The following CDH12 variants were observed in gnomAD, a reference collection of about 807,000 sequenced individuals.
CDH12 encodes the protein cadherin-12.
Under a neutral mutation model 74.1 loss-of-function variants are expected in CDH12, and 41 were observed. The observed-to-expected ratio is 0.55, with a 90% CI of 0.43 to 0.72. The LOEUF is 0.72. Ranked by LOEUF, CDH12 falls within the 30% of genes least tolerant of loss-of-function variation. The pLI is 0.00. For synonymous variants in CDH12, 399 were observed against 355.0 expected (o/e 1.12, Z -1.39); for missense variants, 945 against 977.2 (o/e 0.97, Z 0.44).
chr5:21,783,571 A>C (rs961449128), intron 10 of CDH12, 77 bp from the exon 11 acceptor site: 1 of 1,100,664 alleles, frequency 9.1e-7, no homozygotes, highest in East Asian at 2.4e-5. Flanking sequence ...AACTTGACAC[A>C]GTTCCTTATT....
chr5:22,430,190 C>T (rs1262766879), intron 2 of CDH12, among the ~76,000 whole-genome samples: 1 of 152,094 alleles, frequency 6.6e-6, no homozygotes, highest in Non-Finnish European at 1.5e-5. Flanking sequence ...ACTTAGTGTA[C>T]TCTTTGCATG....
At chr5:21,758,455 C>T (rs1012344807) in intron 13 of CDH12, among the ~76,000 whole-genome samples, 3 of 152,104 alleles carry the variant, frequency 2.0e-5, no homozygotes, top group Admixed American at 1.3e-4. Flanking sequence ...TCATCACCAT[C>T]TCAATACAAT....
chr5:22,707,863 T>A (rs112777312), intron 1 of CDH12, among the ~76,000 whole-genome samples: 9 of 152,298 alleles, frequency 5.9e-5, no homozygotes, highest in African/African-American at 2.2e-4. Context: ...TTAAATCTTA[T>A]GTGTATGGCA....
intron 8 of CDH12, among the ~76,000 whole-genome samples, chr5:21,828,540 G>GTCTCT (rs1365577426): frequency 6.6e-6 from 1 of 152,100 alleles, no homozygotes; most frequent in Non-Finnish European, 1.5e-5. Context: ...TTTGGTAATG[G>GTCTCT]TCTCTTCCCA....
chr5:22,208,741 G>A (rs1457033998), intron 4 of CDH12, among the ~76,000 whole-genome samples: 1 of 152,088 alleles, frequency 6.6e-6, no homozygotes, highest in Non-Finnish European at 1.5e-5. Context: ...GCGGCCAGTA[G>A]AGCCTAGACA....
At chr5:22,698,279 ACTTGGCTAATTTT>A (rs1407332212) in intron 1 of CDH12, among the ~76,000 whole-genome samples, 1 of 150,898 alleles carries the variant, frequency 6.6e-6, no homozygotes, top group Non-Finnish European at 1.5e-5. Flanking sequence ...GCATCACCAC[ACTTGGCTAATTTT>A]TGTAATTTTA....
chr5:22,413,725 A>G (rs1743260944), intron 2 of CDH12, among the ~76,000 whole-genome samples: 1 of 152,054 alleles, frequency 6.6e-6, no homozygotes, highest in Non-Finnish European at 1.5e-5. Flanking sequence ...ACACACATAC[A>G]TATAGAAAGT....
intron 4 of CDH12, among the ~76,000 whole-genome samples, chr5:22,106,864 T>C (rs1195079859): frequency 6.6e-6 from 1 of 152,188 alleles, no homozygotes; most frequent in African/African-American, 2.4e-5. Flanking sequence ...GTGTAAGATG[T>C]ATTAATATTG....
intron 6 of CDH12, among the ~76,000 whole-genome samples, chr5:21,951,354 C>T (rs1755852941): frequency 6.6e-6 from 1 of 152,128 alleles, no homozygotes; most frequent in Non-Finnish European, 1.5e-5. Context: ...TCCCAAGTAA[C>T]TGGGATTACA....
chr5:21,756,340 A>G (rs1200905377), intron 13 of CDH12, among the ~76,000 whole-genome samples: 2 of 152,068 alleles, frequency 1.3e-5, no homozygotes, highest in Non-Finnish European at 2.9e-5. Flanking sequence ...GTTTGTATGT[A>G]TGGGAATACT....
chr5:22,367,918 A>C (rs1561349240), intron 3 of CDH12, among the ~76,000 whole-genome samples: 1 of 152,104 alleles, frequency 6.6e-6, no homozygotes, highest in Non-Finnish European at 1.5e-5. Flanking sequence ...AAATTAACAC[A>C]TTTTTTTCCT....
intron 4 of CDH12, among the ~76,000 whole-genome samples, chr5:22,092,510 C>T (rs6864874): frequency 0.35 from 53,268 of 151,866 alleles, 11,428 homozygotes; most frequent in African/African-American, 0.61. Context: ...CATGAAAGGA[C>T]TGTCAACACC....
intron 2 of CDH12, among the ~76,000 whole-genome samples, chr5:22,419,037 G>C (rs1053486871): frequency 6.6e-6 from 1 of 152,092 alleles, no homozygotes; most frequent in Non-Finnish European, 1.5e-5. Flanking sequence ...TGTGGTTTTT[G>C]TATTGGTTCT....
At chr5:22,087,955 T>G (rs1312347611) in intron 4 of CDH12, among the ~76,000 whole-genome samples, 1 of 152,138 alleles carries the variant, frequency 6.6e-6, no homozygotes, top group East Asian at 1.9e-4. Context: ...CCAGTTGTAG[T>G]AATACCATCA....
intron 5 of CDH12, among the ~76,000 whole-genome samples, chr5:22,077,208 T>C: frequency 6.6e-6 from 1 of 152,062 alleles, no homozygotes; most frequent in East Asian, 1.9e-4. Flanking sequence ...TGGGACCACA[T>C]ATGCCTTAGT....
chr5:21,784,960 T>A (rs1746120789), intron 10 of CDH12, among the ~76,000 whole-genome samples: 2 of 152,220 alleles, frequency 1.3e-5, no homozygotes, highest in African/African-American at 4.8e-5. Context: ...TTGCCGTTTT[T>A]ACAAACTGAA....
intron 1 of CDH12, among the ~76,000 whole-genome samples, chr5:22,780,209 G>T (rs1747317449): frequency 6.6e-6 from 1 of 151,982 alleles, no homozygotes; most frequent in Admixed American, 6.6e-5. Context: ...AACATAACCA[G>T]ACCCAGTTGC....
At chr5:22,739,327 CTTACA>C (rs1744901287) in intron 1 of CDH12, among the ~76,000 whole-genome samples, 1 of 124,660 alleles carries the variant, frequency 8.0e-6, no homozygotes, top group South Asian at 2.7e-4. Context: ...CTTTTTTTTA[CTTACA>C]TTAAAGAAAA....
chr5:21,805,587 A>G (rs1747383996), intron 9 of CDH12, among the ~76,000 whole-genome samples: 1 of 152,050 alleles, frequency 6.6e-6, no homozygotes, highest in African/African-American at 2.4e-5. Flanking sequence ...CTTCTTCGTG[A>G]CCCTGACTTT....
Sources: gnomAD v4.1 joint callset for allele counts (sites outside exome capture counted in the v4.1 genomes callset) on GRCh38, gnomAD v4.1.1 for gene constraint, MANE v1.5 for transcripts, NCBI Gene and HGNC (gene_info 2026-07-23, HGNC 2026-07-21) for gene names.